Variants in ZNF875 observed in about 807,000 individuals in gnomAD.
The protein encoded by ZNF875 is zinc finger protein 875.
In ZNF875, 14 loss-of-function variants were observed where a neutral mutation model predicts 11.2. The observed-to-expected ratio is 1.26, with a 90% CI of 0.83 to 1.96. The LOEUF is 1.96. Among genes scored for constraint, ZNF875 ranks in the 30% most tolerant of loss-of-function variants. The pLI is 0.00. For missense variants in ZNF875, 752 were observed against 760.4 expected, an observed-to-expected ratio of 0.99 and a Z score of 0.13; for synonymous variants, 301 against 281.1, an observed-to-expected ratio of 1.07 and a Z score of -0.71.
intron 4 of ZNF875, among the ~76,000 whole-genome samples, chr19:37,354,006 C>A (rs897631917): frequency 6.6e-6 from 1 of 152,058 alleles, no homozygotes; most frequent in African/African-American, 2.4e-5. Context: ...TCCCAATTTA[C>A]CTGTATATTG....
intron 2 of ZNF875, 68 bp from the exon 3 acceptor site, chr19:37,347,122 C>T: frequency 6.2e-7 from 1 of 1,608,796 alleles, no homozygotes; most frequent in Non-Finnish European, 8.5e-7. Flanking sequence ...TGGCCTTGAC[C>T]TCTCATTCTA....
Position 37,362,385 on chromosome 19 carries a change from C to A in ZNF875, c.533C>A (p.Ser178Tyr). 1 of 1,614,102 alleles carries A rather than the reference C, an allele frequency of 6.2e-7. No homozygotes were observed. Among genetic ancestry groups the A allele is most frequent in the Non-Finnish European group, 8.5e-7 (1 of 1,180,032 alleles). The change falls in exon 5 of 5, where the codon TCC becomes TAC. Residue 178 changes from serine (S) to tyrosine (Y), a missense_variant. Ser to Tyr is a moderately radical substitution (Grantham distance 144, BLOSUM62 -2). Coordinates refer to ENST00000392153, the MANE Select transcript of ZNF875 (RefSeq NM_001353803.2). The part of the protein sequence containing the change: ...VSKNGTSKAL[S>Y]SPPEEQQPAQ... ...AAAAATGGCACTTCAAAGGCACTTT[C>A]CAGCCCACCTGAAGAACAACAGCCA...
At position 37,320,969 on chromosome 19, in the gene ZNF875, G is replaced by T. The variant is rs111740786; in HGVS notation, c.-746-1216G>T. ...TACTCTGTTGGCTCAAGGTTTAATG[G>T]ATTTAGGGCTATGCAGGATGTGCTT... is the stretch of plus-strand genomic sequence containing the variant. On this transcript the variant is annotated intron_variant, in intron 1 of 5. Transcript: ENST00000544914. Among the ~76,000 whole-genome samples the T allele has an allele frequency of 2.0e-3, 309 of 152,338 alleles. 3 individuals carry two copies. The highest frequency in any genetic ancestry group is 7.0e-3 in the African/African-American group (291 of 41,564).
rs181114217 is a variant in ZNF875 at position 37,344,827 on chromosome 19, C to T, written c.34-2363C>T. ...TAATTGCTCTGTGATGTAGCTCCTT[C>T]GTGGGAGATTTTCAAGGGGTGTATG... On this transcript the variant is annotated intron_variant, in intron 2 of 4. Coordinates refer to ENST00000392153, the MANE Select transcript of ZNF875 (RefSeq NM_001353803.2). 4.4e-3 allele frequency: 4,940 copies of T among 1,132,646 alleles called. 30 individuals are homozygous for T. The highest frequency in any genetic ancestry group is 4.6e-3 in the Non-Finnish European group (3,424 of 741,718). 70.2% of individuals were successfully genotyped at this position (1,132,646 alleles called of 1,614,324 possible). A position where few individuals can be genotyped will look rare whatever the true frequency, so the allele number is the denominator to read the frequency against.
At position 37,362,329 on chromosome 19, in the gene ZNF875, A is replaced by G; in HGVS notation, c.477A>G (p.Glu159=). The G allele has an allele frequency of 6.2e-7, 1 of 1,614,138 alleles. No homozygotes were observed. Among genetic ancestry groups the G allele is most frequent in the Non-Finnish European group, 8.5e-7 (1 of 1,180,008 alleles). ...AAGCAGAATGGATTCAAGAGGGAGA[A>G]GACTCCAGACTCCTGTTTGGGAGAG... The part of the protein sequence containing the change: ...SGKAEWIQEG[E]DSRLLFGRVS... Residue 159 remains glutamate, a synonymous_variant, in exon 5 of 5, where the codon GAA becomes GAG. Coordinates refer to ENST00000392153, the MANE Select transcript of ZNF875 (RefSeq NM_001353803.2).
At chr19:37,341,488 A>G (rs188440734) in intron 2 of ZNF875, among the ~76,000 whole-genome samples, 5 of 152,096 alleles carry the variant, frequency 3.3e-5, no homozygotes, top group Non-Finnish European at 7.4e-5. Flanking sequence ...GGGTTTCTCT[A>G]TGCAGGAAGA....
upstream of ZNF875, among the ~76,000 whole-genome samples, chr19:37,317,575 G>A (rs1301433932): frequency 6.6e-6 from 1 of 152,204 alleles, no homozygotes; most frequent in Admixed American, 6.5e-5. Flanking sequence ...CCAGCGCCTG[G>A]TGCAAATCTC....
chr19:37,354,345 C>T (rs1263809106), intron 4 of ZNF875, among the ~76,000 whole-genome samples: 3 of 141,764 alleles, frequency 2.1e-5, no homozygotes, highest in Non-Finnish European at 3.0e-5. Context: ...AAAATTATTA[C>T]CCCTTTCTGT....
chr19:37,362,250 AAC>A lies in ZNF875; in HGVS notation c.401_402del (p.His134LeufsTer15). 1 of 1,614,202 alleles carries A rather than the reference AAC, an allele frequency of 6.2e-7. No individual in the cohort carries two copies. The highest frequency in any genetic ancestry group is 8.5e-7 in the Non-Finnish European group (1 of 1,180,036). ...GCAGGAAATCCTCTCCACCTGGGAAAACACTATCCAGAAGATCAGAAACAACA... is the reference window on the plus strand; with the variant it reads ...GCAGGAAATCCTCTCCACCTGGGAAAACTATCCAGAAGATCAGAAACAACA... On this transcript the variant is annotated frameshift_variant, in exon 5 of 5. Coordinates refer to ENST00000392153, the MANE Select transcript of ZNF875 (RefSeq NM_001353803.2). LOFTEE classifies it low-confidence loss of function (END_TRUNC).
chr19:37,361,467 CCTTCTT>C (rs1276338503), intron 4 of ZNF875, among the ~76,000 whole-genome samples: 1 of 152,044 alleles, frequency 6.6e-6, no homozygotes, highest in Non-Finnish European at 1.5e-5. Flanking sequence ...TCCTCCTCCT[CCTTCTT>C]CTTCCTTCCT....
intron 2 of ZNF875, among the ~76,000 whole-genome samples, chr19:37,322,446 C>A (rs1251830167): frequency 6.6e-6 from 1 of 152,116 alleles, no homozygotes; most frequent in Non-Finnish European, 1.5e-5. Context: ...AGAGCAAATA[C>A]CCACCAGAGA....
intron 4 of ZNF875, among the ~76,000 whole-genome samples, chr19:37,348,429 G>T (rs994297117): frequency 2.6e-5 from 4 of 152,128 alleles, no homozygotes. Context: ...CAGTATTAGG[G>T]ATTTGTAATT....
At position 37,363,268 on chromosome 19, in the gene ZNF875, C is replaced by G; in HGVS notation, c.1416C>G (p.His472Gln). Residue 472 changes from histidine (H) to glutamine (Q), a missense_variant, in exon 5 of 5, where the codon CAC becomes CAG. His to Gln is a conservative substitution (Grantham distance 24). Transcript: ENST00000392153. ...ACCTTAACAAACACCAGAGGTCACA[C>G]ACGGGGGAGAAGCCATTTGTATGTA... ...KSNLNKHQRSHTGEKPFVCTE... is the reference protein window; with the variant it reads ...KSNLNKHQRSQTGEKPFVCTE... The G allele has an allele frequency of 1.2e-6, 2 of 1,613,716 alleles. No individual in the cohort carries two copies.
At chr19:37,318,818 G>C (rs1207871932) in intron 1 of ZNF875, among the ~76,000 whole-genome samples, 2 of 152,094 alleles carry the variant, frequency 1.3e-5, no homozygotes, top group Non-Finnish European at 2.9e-5. Flanking sequence ...ACCGCGCCCA[G>C]CTTATAAAAT....
intron 4 of ZNF875, among the ~76,000 whole-genome samples, chr19:37,328,048 C>G (rs760188876): frequency 2.6e-5 from 4 of 152,048 alleles, no homozygotes; most frequent in African/African-American, 7.3e-5. Flanking sequence ...TCAAGACCAG[C>G]CTGACCAACA....
upstream of ZNF875, among the ~76,000 whole-genome samples, chr19:37,332,503 C>T (rs956465616): frequency 6.6e-6 from 1 of 152,166 alleles, no homozygotes; most frequent in Non-Finnish European, 1.5e-5. Context: ...AGGCGTGAGC[C>T]ACCATGCCTG....
intron 1 of ZNF875, among the ~76,000 whole-genome samples, chr19:37,320,585 A>G (rs2031218424): frequency 6.6e-6 from 1 of 152,266 alleles, no homozygotes; most frequent in Admixed American, 6.5e-5. Context: ...GATTTCAGAC[A>G]TGGCACAAGG....
upstream of ZNF875, among the ~76,000 whole-genome samples, chr19:37,331,898 T>G (rs2033457356): frequency 7.6e-6 from 1 of 132,384 alleles, no homozygotes; most frequent in Non-Finnish European, 1.7e-5. Flanking sequence ...GGAAGGCATC[T>G]GTCTCCTGCC....
upstream of ZNF875, among the ~76,000 whole-genome samples, chr19:37,315,798 A>C (rs1050752386): frequency 6.6e-6 from 1 of 152,042 alleles, no homozygotes; most frequent in South Asian, 2.1e-4. Flanking sequence ...TGCACCTACA[A>C]GCAGAAGTGT....
Sources: gnomAD v4.1 joint callset for allele counts (sites outside exome capture counted in the v4.1 genomes callset) on GRCh38, gnomAD v4.1.1 for gene constraint, MANE v1.5 for transcripts, NCBI Gene and HGNC (gene_info 2026-07-23, HGNC 2026-07-21) for gene names.